FHIT: variants seen among roughly 807,000 people sequenced by gnomAD.
FHIT encodes fragile histidine triad diadenosine triphosphatase, also known as bis(5'-adenosyl)-triphosphatase.
In FHIT, 19 loss-of-function variants were observed where a neutral mutation model predicts 17.9. That is an observed-to-expected ratio of 1.06 (90% CI 0.74 to 1.56). The LOEUF is 1.56. FHIT is among the 40% of genes most tolerant of loss of function. FHIT has a pLI of 0.00. For synonymous variants in FHIT, 81 were observed against 69.7 expected (o/e 1.16, Z -0.81); for missense variants, 248 against 189.2 (o/e 1.31, Z -1.82).
chr3:59,837,343 G>A (rs935038837), intron 8 of FHIT, among the ~76,000 whole-genome samples: 35 of 151,986 alleles, frequency 2.3e-4, no homozygotes, highest in African/African-American at 5.3e-4. Context: ...TTCACATATC[G>A]TTCAAATCAT....
intron 8 of FHIT, among the ~76,000 whole-genome samples, chr3:59,803,917 T>C (rs1182626944): frequency 6.6e-6 from 1 of 152,150 alleles, no homozygotes. Context: ...ATTAGGTTGG[T>C]GCAAAAGTAA....
intron 2 of FHIT, among the ~76,000 whole-genome samples, chr3:61,182,746 G>A (rs1024643367): frequency 6.6e-6 from 1 of 152,122 alleles, no homozygotes; most frequent in African/African-American, 2.4e-5. Context: ...ATTCAGGATA[G>A]GGGGTATGGG....
At chr3:60,775,415 C>G (rs1181112965) in intron 4 of FHIT, among the ~76,000 whole-genome samples, 1 of 152,134 alleles carries the variant, frequency 6.6e-6, no homozygotes, top group Non-Finnish European at 1.5e-5. Flanking sequence ...CCTTCCTTTT[C>G]CTGTGTGGAA....
At chr3:60,038,457 C>A (rs530284695) in intron 5 of FHIT, among the ~76,000 whole-genome samples, 1 of 152,238 alleles carries the variant, frequency 6.6e-6, no homozygotes, top group East Asian at 1.9e-4. Context: ...AAAACAAGTG[C>A]CCTTAAATAA....
intron 4 of FHIT, among the ~76,000 whole-genome samples, chr3:60,570,962 T>G (rs2682960): frequency 6.6e-6 from 1 of 151,858 alleles, no homozygotes; most frequent in Admixed American, 6.6e-5. Context: ...ATAAGGGACA[T>G]TGTAAGAGCA....
chr3:60,657,336 C>T (rs2040140909), intron 4 of FHIT, among the ~76,000 whole-genome samples: 1 of 152,160 alleles, frequency 6.6e-6, no homozygotes, highest in Non-Finnish European at 1.5e-5. Context: ...GTTAGCACCA[C>T]AGAGCGAAGA....
In FHIT at chr3:60,013,204, A is replaced by G. The variant is rs111429893; in HGVS notation, c.249+803T>C. ...CTGGTCTCTTTGAAGCTCTATGGTA[A>G]AGAGCTAAGGAGGGGAGGAAGAATG... On this transcript the variant is annotated intron_variant, in intron 6 of 9. Coordinates refer to ENST00000492590, the MANE Select transcript of FHIT (RefSeq NM_002012.4). Among the ~76,000 whole-genome samples the G allele has an allele frequency of 1.0e-3, 158 of 152,292 alleles. 1 individual carries two copies. Among genetic ancestry groups the G allele is most frequent in the African/African-American group, 3.7e-3 (153 of 41,564 alleles).
At chr3:60,878,384 C>A (rs905753644) in intron 3 of FHIT, among the ~76,000 whole-genome samples, 1 of 152,084 alleles carries the variant, frequency 6.6e-6, no homozygotes. Context: ...TAAGAGGGAT[C>A]CTCTTGTTTA....
At chr3:60,586,627 G>A (rs2037915690) in intron 4 of FHIT, among the ~76,000 whole-genome samples, 1 of 151,934 alleles carries the variant, frequency 6.6e-6, no homozygotes. Context: ...TAAAGAAAAT[G>A]TTGTATATAT....
chr3:60,133,413 G>A (rs1293120248), intron 5 of FHIT, among the ~76,000 whole-genome samples: 2 of 152,184 alleles, frequency 1.3e-5, no homozygotes, highest in Non-Finnish European at 2.9e-5. Context: ...GAGGGGTAGA[G>A]CAGGGAATGA....
chr3:60,808,711 G>A (rs185402784), intron 4 of FHIT, among the ~76,000 whole-genome samples: 120 of 152,284 alleles, frequency 7.9e-4, no homozygotes, highest in African/African-American at 2.6e-3. Flanking sequence ...TACTTTCCTT[G>A]TAAAGGTTAA....
intron 5 of FHIT, among the ~76,000 whole-genome samples, chr3:60,040,949 C>G (rs1016980386): frequency 6.6e-6 from 1 of 152,034 alleles, no homozygotes; most frequent in African/African-American, 2.4e-5. Flanking sequence ...TAGGACCTCA[C>G]AATAGCAAAC....
chr3:60,117,738 T>C (rs1175301858), intron 5 of FHIT, among the ~76,000 whole-genome samples: 1 of 152,006 alleles, frequency 6.6e-6, no homozygotes, highest in Non-Finnish European at 1.5e-5. Context: ...CATTAAAAAG[T>C]TGGCTGCAAG....
At chr3:60,794,414 A>G (rs1165426957) in intron 4 of FHIT, among the ~76,000 whole-genome samples, 1 of 147,138 alleles carries the variant, frequency 6.8e-6, no homozygotes, top group Admixed American at 7.0e-5. Context: ...GGATGGATGG[A>G]TGGATACTAC....
At chr3:60,531,573 C>T (rs986576240) in intron 5 of FHIT, among the ~76,000 whole-genome samples, 5 of 152,082 alleles carry the variant, frequency 3.3e-5, no homozygotes, top group East Asian at 1.9e-4. Context: ...CCACCGCGCC[C>T]GGCCGAAAAG....
chr3:60,416,298 A>G (rs1273809292), intron 5 of FHIT, among the ~76,000 whole-genome samples: 1 of 152,210 alleles, frequency 6.6e-6, no homozygotes, highest in South Asian at 2.1e-4. Context: ...TACAACCAAT[A>G]AAAGGGCATT....
intron 5 of FHIT, among the ~76,000 whole-genome samples, chr3:60,340,294 G>A (rs1342826152): frequency 1.3e-5 from 2 of 152,170 alleles, no homozygotes; most frequent in East Asian, 1.9e-4. Flanking sequence ...AATAGGAAGC[G>A]AGAAGAAAAA....
intron 5 of FHIT, among the ~76,000 whole-genome samples, chr3:60,269,526 A>AT (rs1408412188): frequency 6.6e-6 from 1 of 152,210 alleles, no homozygotes; most frequent in African/African-American, 2.4e-5. Flanking sequence ...TTAGGCAGAT[A>AT]TTTTTGCCTC....
intron 3 of FHIT, among the ~76,000 whole-genome samples, chr3:60,945,458 T>C (rs1483097184): frequency 4.6e-5 from 7 of 152,138 alleles, no homozygotes; most frequent in Admixed American, 1.3e-4. Context: ...AGTGGTACAA[T>C]CTTGGCTCAC....
Sources: allele counts gnomAD v4.1 joint callset (sites outside exome capture counted in the v4.1 genomes callset), GRCh38; gene constraint gnomAD v4.1.1; transcripts MANE v1.5; gene names NCBI Gene and HGNC (gene_info 2026-07-23, HGNC 2026-07-21).